Variants in ERBB4 observed in about 807,000 individuals in gnomAD.
ERBB4 encodes erb-b2 receptor tyrosine kinase 4, also known as receptor tyrosine-protein kinase erbB-4.
ERBB4 carries 42 observed loss-of-function variants against 158.0 expected under a neutral mutation model. The ratio of observed to expected loss-of-function variants is 0.27; its 90% CI spans 0.21 to 0.34. The LOEUF (loss-of-function observed/expected upper bound fraction) is 0.34, where lower values mean the gene tolerates loss of function less well. Among genes scored for constraint, ERBB4 ranks in the 10% least tolerant of loss-of-function variants. The pLI is 1.00. For missense variants in ERBB4, 1,333 were observed against 1,624.1 expected (o/e 0.82, Z 3.08); for synonymous variants, 583 against 558.7 (o/e 1.04, Z -0.61).
Position 211,721,443 on chromosome 2 carries a change from C to CAAAAAAAAAAAAAAAAAA in ERBB4, c.883+932_883+949dup, listed in dbSNP as rs71054136. 2.0e-3 allele frequency among the ~76,000 whole-genome samples: 109 copies of CAAAAAAAAAAAAAAAAAA among 54,486 alleles called. 16 individuals are homozygous for CAAAAAAAAAAAAAAAAAA. The highest frequency in any genetic ancestry group is 2.8e-3 in the African/African-American group (30 of 10,536). The allele number at this position is 54,486 out of a possible 152,430, so 35.7% of individuals were successfully genotyped here. On this transcript the variant is annotated intron_variant, in intron 7 of 27. Coordinates refer to ENST00000342788, the MANE Select transcript of ERBB4 (RefSeq NM_005235.3). ...GAAATGTCCCATTGGTTACTCAAAG[C>CAAAAAAAAAAAAAAAAAA]AAAAAAAAAAAAAAAAAAAAAATAG...
intron 6 of ERBB4, among the ~76,000 whole-genome samples, 190 bp from the exon 7 acceptor site, chr2:211,722,724 A>G (rs1261201579): frequency 6.6e-6 from 1 of 152,234 alleles, no homozygotes. Context: ...AAATAGGAAA[A>G]TTTATGGCTA....
intron 20 of ERBB4, among the ~76,000 whole-genome samples, chr2:211,440,097 G>A (rs756368152): frequency 2.0e-5 from 3 of 152,158 alleles, no homozygotes; most frequent in Admixed American, 6.5e-5. Context: ...CAGCATGTGC[G>A]AAAAACCTCT....
At chr2:211,902,512 A>C (rs1157031603) in intron 3 of ERBB4, among the ~76,000 whole-genome samples, 1 of 152,014 alleles carries the variant, frequency 6.6e-6, no homozygotes. Flanking sequence ...CATTATTTTA[A>C]ACTAAACATC....
At chr2:212,504,663 C>T (rs940859750) in intron 1 of ERBB4, among the ~76,000 whole-genome samples, 8 of 152,098 alleles carry the variant, frequency 5.3e-5, no homozygotes, top group African/African-American at 9.6e-5. Context: ...TGAACCATAA[C>T]GTATAGAATG....
intron 2 of ERBB4, among the ~76,000 whole-genome samples, chr2:212,117,467 A>G (rs1199796863): frequency 4.6e-5 from 7 of 152,172 alleles, no homozygotes; most frequent in Non-Finnish European, 1.0e-4. Context: ...GAAGAAAAAC[A>G]TAGACTACTG....
intron 1 of ERBB4, among the ~76,000 whole-genome samples, chr2:212,456,006 T>G (rs984262235): frequency 2.0e-5 from 3 of 152,012 alleles, no homozygotes; most frequent in Non-Finnish European, 4.4e-5. Context: ...GGTTTAAAAT[T>G]TCAGGTTTAT....
chr2:212,023,260 T>C (rs769447892), intron 2 of ERBB4, among the ~76,000 whole-genome samples: 13 of 152,136 alleles, frequency 8.5e-5, no homozygotes, highest in Non-Finnish European at 1.9e-4. Context: ...TACTACATAA[T>C]TTTTGTAGTC....
chr2:211,616,163 A>G (rs972795389), intron 19 of ERBB4, among the ~76,000 whole-genome samples: 1 of 151,984 alleles, frequency 6.6e-6, no homozygotes, highest in African/African-American at 2.4e-5. Context: ...TAGGGGGTGA[A>G]GTGTGGCTCT....
intron 2 of ERBB4, among the ~76,000 whole-genome samples, chr2:211,994,584 C>G (rs2082153972): frequency 6.6e-6 from 1 of 151,334 alleles, no homozygotes; most frequent in Non-Finnish European, 1.5e-5. Context: ...TGTTTTTTTA[C>G]TTTATAGTGT....
At chr2:212,142,699 G>A (rs991103888) in intron 1 of ERBB4, among the ~76,000 whole-genome samples, 7 of 150,556 alleles carry the variant, frequency 4.6e-5, no homozygotes, top group African/African-American at 1.7e-4. Context: ...ATTCTCAAAC[G>A]TTAGAGACAG....
intron 3 of ERBB4, among the ~76,000 whole-genome samples, chr2:211,916,104 G>C (rs1427343814): frequency 2.0e-5 from 3 of 151,672 alleles, no homozygotes; most frequent in Admixed American, 6.6e-5. Flanking sequence ...AAAATATCTA[G>C]AGTGCCCATA....
chr2:212,386,573 A>T (rs974903703), intron 1 of ERBB4, among the ~76,000 whole-genome samples: 3 of 77,052 alleles, frequency 3.9e-5, no homozygotes, highest in African/African-American at 1.0e-4. Flanking sequence ...TTTCTTTCTT[A>T]AAAAAAAAAA....
intron 3 of ERBB4, among the ~76,000 whole-genome samples, chr2:211,815,201 C>CTT (rs2076857135): frequency 2.0e-5 from 3 of 152,148 alleles, no homozygotes; most frequent in African/African-American, 7.2e-5. Context: ...GAAAGTAACT[C>CTT]ATAGGGTTAT....
chr2:211,939,951 A>C (rs2080441108), intron 3 of ERBB4, among the ~76,000 whole-genome samples: 1 of 132,158 alleles, frequency 7.6e-6, no homozygotes. Flanking sequence ...CGTCTCAAAA[A>C]AAAAGGAAAA....
At chr2:211,613,797 G>A (rs536367822) in intron 19 of ERBB4, among the ~76,000 whole-genome samples, 24 of 152,000 alleles carry the variant, frequency 1.6e-4, no homozygotes, top group Admixed American at 1.6e-3. Flanking sequence ...TGAGGAAAAG[G>A]GAACCCTCAT....
intron 20 of ERBB4, among the ~76,000 whole-genome samples, chr2:211,449,140 T>C (rs1009742241): frequency 1.3e-5 from 2 of 152,138 alleles, no homozygotes; most frequent in African/African-American, 4.8e-5. Context: ...TTGCTGATAA[T>C]GTTTCTGAAT....
chr2:212,361,327 G>C (rs977391371), intron 1 of ERBB4, among the ~76,000 whole-genome samples: 4 of 151,510 alleles, frequency 2.6e-5, no homozygotes, highest in Non-Finnish European at 4.4e-5. Flanking sequence ...CAGTCAAATA[G>C]CCTAGGTAAA....
At chr2:212,262,017 T>C (rs2106089292) in intron 1 of ERBB4, among the ~76,000 whole-genome samples, 1 of 152,252 alleles carries the variant, frequency 6.6e-6, no homozygotes, top group Non-Finnish European at 1.5e-5. Context: ...ATACCAACAT[T>C]ATCACATATT....
intron 20 of ERBB4, among the ~76,000 whole-genome samples, chr2:211,442,918 G>C (rs1202753771): frequency 6.6e-6 from 1 of 151,810 alleles, no homozygotes. Flanking sequence ...AAACCCTTAT[G>C]GACTGTTGAG....
Sources: gnomAD v4.1 joint callset for allele counts (sites outside exome capture counted in the v4.1 genomes callset) on GRCh38, gnomAD v4.1.1 for gene constraint, MANE v1.5 for transcripts, NCBI Gene and HGNC (gene_info 2026-07-23, HGNC 2026-07-21) for gene names.